The following PPP3R1 variants were observed in gnomAD, a reference collection of about 807,000 sequenced individuals.
PPP3R1 encodes protein phosphatase 3 regulatory subunit B, alpha.
Under a neutral mutation model 22.6 loss-of-function variants are expected in PPP3R1, and 5 were observed. The ratio of observed to expected loss-of-function variants is 0.22; its 90% CI spans 0.12 to 0.46. The LOEUF is 0.46. PPP3R1 is among the 20% of genes least tolerant of loss of function. PPP3R1 has a pLI of 0.99. For missense variants in PPP3R1, 61 were observed against 203.2 expected, an observed-to-expected ratio of 0.30 and a Z score of 4.25; for synonymous variants, 56 against 65.2, an observed-to-expected ratio of 0.86 and a Z score of 0.68.
chr2:68,217,988 C>T (rs764521518), intron 1 of PPP3R1, among the ~76,000 whole-genome samples: 2 of 152,044 alleles, frequency 1.3e-5, no homozygotes, highest in African/African-American at 2.4e-5. Context: ...AAATCTAAAA[C>T]AGTAATATCT....
chr2:68,195,719 T>C (rs921454174), intron 2 of PPP3R1, among the ~76,000 whole-genome samples: 1 of 152,126 alleles, frequency 6.6e-6, no homozygotes, highest in Non-Finnish European at 1.5e-5. Context: ...AACCAGTGCC[T>C]TCTCCACCAT....
chr2:68,201,968 A>G (rs569660899), intron 2 of PPP3R1, among the ~76,000 whole-genome samples: 1 of 152,332 alleles, frequency 6.6e-6, no homozygotes, highest in South Asian at 2.1e-4. Context: ...TCTTTCATCT[A>G]ATCTTGGCAA....
chr2:68,210,945 G>C (rs1445740639), intron 2 of PPP3R1, among the ~76,000 whole-genome samples: 1 of 152,128 alleles, frequency 6.6e-6, no homozygotes, highest in African/African-American at 2.4e-5. Context: ...ATACCTCAGA[G>C]ACATTTTAAG....
rs755042196 is a variant in PPP3R1, at chr2:68,215,310, C to T, written c.43+1782G>A. Among the ~76,000 whole-genome samples the T allele has an allele frequency of 1.3e-4, 20 of 152,170 alleles. No individual in the cohort carries two copies. The Middle Eastern group carries it at 0.02, about 155-fold the overall frequency. On this transcript the variant is annotated intron_variant, in intron 2 of 5. Coordinates refer to ENST00000234310, the MANE Select transcript of PPP3R1 (RefSeq NM_000945.4). ...AGTTTAAAAAAAAACATGAGGTACA[C>T]CTATATTCCAAAACCCCCCCCAAAA...
At chr2:68,198,413 A>G (rs943822157) in intron 2 of PPP3R1, among the ~76,000 whole-genome samples, 2 of 147,196 alleles carry the variant, frequency 1.4e-5, no homozygotes, top group Admixed American at 6.9e-5. Flanking sequence ...GTGTATGTAT[A>G]TGCATATATA....
At chr2:68,219,815 C>T (rs1405786306) in intron 1 of PPP3R1, among the ~76,000 whole-genome samples, 2 of 152,268 alleles carry the variant, frequency 1.3e-5, no homozygotes, top group Non-Finnish European at 2.9e-5. Context: ...CTAAAGCTAA[C>T]ATGTTTTAAG....
At chr2:68,211,389 TGAGC>T (rs1284304247) in intron 2 of PPP3R1, among the ~76,000 whole-genome samples, 2 of 120,110 alleles carry the variant, frequency 1.7e-5, no homozygotes, top group East Asian at 5.0e-4. Flanking sequence ...CCTGGGCGAC[TGAGC>T]GAGACTCTGT....
chr2:68,205,967 C>T (rs1451281363), intron 2 of PPP3R1, among the ~76,000 whole-genome samples: 2 of 152,008 alleles, frequency 1.3e-5, no homozygotes, highest in African/African-American at 2.4e-5. Context: ...TTTAGGGATG[C>T]GCCACCACAC....
At chr2:68,250,280 A>G (rs1342235661) in intron 1 of PPP3R1, among the ~76,000 whole-genome samples, 1 of 152,220 alleles carries the variant, frequency 6.6e-6, no homozygotes, top group East Asian at 1.9e-4. Context: ...AAAAGACAAG[A>G]AAACAGAGTT....
Position 68,208,272 on chromosome 2 carries a change from A to G in PPP3R1, c.43+8820T>C, listed in dbSNP as rs1230259468. Among the ~76,000 whole-genome samples, 6 of 152,368 alleles carry G rather than the reference A, an allele frequency of 3.9e-5. No individual in the cohort carries two copies. The South Asian group carries it at 1.0e-3, about 26-fold the overall frequency. ...TATTCTGTAGATAAGTTAACTGTGC[A>G]GTAATGACTCAAATAATAGTTCTCA... On this transcript the variant is annotated intron_variant, in intron 2 of 5. Transcript: ENST00000234310.
chr2:68,217,852 T>C (rs892765818), intron 1 of PPP3R1, among the ~76,000 whole-genome samples: 34 of 152,220 alleles, frequency 2.2e-4, no homozygotes, highest in African/African-American at 7.9e-4. Flanking sequence ...AAAAAAGTGT[T>C]CTAGAAAAAC....
chr2:68,239,655 T>C (rs748010392), intron 1 of PPP3R1, among the ~76,000 whole-genome samples: 1 of 151,984 alleles, frequency 6.6e-6, no homozygotes, highest in Non-Finnish European at 1.5e-5. Flanking sequence ...ACACAAGAAA[T>C]AGATGAAACT....
chr2:68,236,294 T>A (rs891043569), intron 1 of PPP3R1, among the ~76,000 whole-genome samples: 15 of 152,136 alleles, frequency 9.9e-5, no homozygotes, highest in Non-Finnish European at 2.1e-4. Context: ...ACTCATTCAT[T>A]TATGTACTGT....
chr2:68,221,964 C>CA (rs945426633), intron 1 of PPP3R1, among the ~76,000 whole-genome samples: 12 of 148,132 alleles, frequency 8.1e-5, no homozygotes, highest in African/African-American at 2.5e-4. Context: ...ATGTTCACTA[C>CA]AAAAAAAAAG....
At chr2:68,214,342 C>T (rs1002286155) in intron 2 of PPP3R1, among the ~76,000 whole-genome samples, 1 of 152,028 alleles carries the variant, frequency 6.6e-6, no homozygotes, top group Admixed American at 6.5e-5. Flanking sequence ...CAGAGTAAAA[C>T]AGACAACCTA....
At chr2:68,194,009 T>C (rs1315820088) in intron 2 of PPP3R1, among the ~76,000 whole-genome samples, 2 of 152,158 alleles carry the variant, frequency 1.3e-5, no homozygotes, top group Non-Finnish European at 2.9e-5. Flanking sequence ...ATACTCTTTT[T>C]CATATGTTTT....
intron 1 of PPP3R1, among the ~76,000 whole-genome samples, chr2:68,248,446 T>C (rs1472826762): frequency 6.6e-6 from 1 of 152,240 alleles, no homozygotes; most frequent in African/African-American, 2.4e-5. Flanking sequence ...GCTAGGTACA[T>C]TAAGAGACGC....
chr2:68,247,117 G>A (rs528590919), intron 1 of PPP3R1, among the ~76,000 whole-genome samples: 7 of 148,452 alleles, frequency 4.7e-5, no homozygotes, highest in South Asian at 2.2e-4. Flanking sequence ...CACTGTGCCC[G>A]CCTAATTTTT....
At chr2:68,231,459 GAAT>G (rs140788) in intron 1 of PPP3R1, among the ~76,000 whole-genome samples, 61,089 of 151,376 alleles carry the variant, frequency 0.4, 12,696 homozygotes, top group South Asian at 0.62. Flanking sequence ...ACTCAAGTGT[GAAT>G]AATAGATTTT....
Sources: allele counts gnomAD v4.1 joint callset (sites outside exome capture counted in the v4.1 genomes callset), GRCh38; gene constraint gnomAD v4.1.1; transcripts MANE v1.5; gene names NCBI Gene and HGNC (gene_info 2026-07-23, HGNC 2026-07-21).